Variants in EVA1A observed in about 807,000 individuals in gnomAD.
EVA1A encodes eva-1 homolog A, regulator of programmed cell death, also known as protein eva-1 homolog A.
Under a neutral mutation model 9.8 loss-of-function variants are expected in EVA1A, and 7 were observed. The observed-to-expected ratio is 0.71, with a 90% CI of 0.41 to 1.34. EVA1A has a LOEUF of 1.34. EVA1A is among the 40% of genes most tolerant of loss of function. EVA1A has a pLI of 0.01. For missense variants in EVA1A, 206 were observed against 205.9 expected (o/e 1.00, Z 0.00); for synonymous variants, 90 against 85.6 (o/e 1.05, Z -0.28).
intron 1 of EVA1A, among the ~76,000 whole-genome samples, chr2:75,551,507 C>T (rs954620706): frequency 2.0e-5 from 3 of 152,344 alleles, no homozygotes; most frequent in Admixed American, 2.0e-4. Context: ...CTGCACATCC[C>T]CTTCCCTGTT....
chr2:75,510,404 C>A (rs1222422126), intron 3 of EVA1A, among the ~76,000 whole-genome samples: 4 of 152,284 alleles, frequency 2.6e-5, no homozygotes, highest in African/African-American at 9.6e-5. Flanking sequence ...TTGGCCCTCA[C>A]AGGATTCACA....
chr2:75,551,148 A>T (rs1463128006), intron 1 of EVA1A, among the ~76,000 whole-genome samples: 1 of 152,042 alleles, frequency 6.6e-6, no homozygotes, highest in Non-Finnish European at 1.5e-5. Flanking sequence ...AAACAAAAAA[A>T]ACCAAAAAAA....
intron 1 of EVA1A, among the ~76,000 whole-genome samples, chr2:75,523,881 C>T (rs1675320451): frequency 6.6e-6 from 1 of 152,166 alleles, no homozygotes; most frequent in South Asian, 2.1e-4. Flanking sequence ...TGTGGTTTGG[C>T]TGTGTCCCCA....
At chr2:75,496,434 T>C (rs1674213970) in intron 3 of EVA1A, among the ~76,000 whole-genome samples, 1 of 152,096 alleles carries the variant, frequency 6.6e-6, no homozygotes, top group Admixed American at 6.6e-5. Context: ...CATTTACAAT[T>C]GCCACAAAAA....
intron 1 of EVA1A, chr2:75,558,839 T>A (rs1401379784): frequency 6.6e-6 from 1 of 152,230 alleles, no homozygotes; most frequent in Non-Finnish European, 1.5e-5. Flanking sequence ...ATTTTCAAAC[T>A]TTAACATGCA....
At chr2:75,535,361 C>A (rs1675843356) in intron 1 of EVA1A, among the ~76,000 whole-genome samples, 1 of 148,958 alleles carries the variant, frequency 6.7e-6, no homozygotes, top group South Asian at 2.1e-4. Flanking sequence ...TTAGAACAAC[C>A]TCTATGGAAA....
At chr2:75,501,156 G>A (rs1674404044) in intron 3 of EVA1A, among the ~76,000 whole-genome samples, 1 of 151,944 alleles carries the variant, frequency 6.6e-6, no homozygotes, top group Non-Finnish European at 1.5e-5. Flanking sequence ...GTCCACTCTT[G>A]ACCCACAAAC....
chr2:75,496,740 T>C (rs62150186), intron 3 of EVA1A, among the ~76,000 whole-genome samples: 26,644 of 151,830 alleles, frequency 0.18, 2,719 homozygotes, highest in East Asian at 0.28. Context: ...AATCCTAAGG[T>C]GGGAAGAAAA....
intron 2 of EVA1A, chr2:75,518,496 A>G: frequency 1.4e-6 from 1 of 713,924 alleles, no homozygotes. Context: ...GTGGGGCCAC[A>G]AAGATTTGGG....
At chr2:75,568,223 C>G (rs1200678885) in intron 1 of EVA1A, among the ~76,000 whole-genome samples, 2 of 151,896 alleles carry the variant, frequency 1.3e-5, no homozygotes, top group Non-Finnish European at 2.9e-5. Context: ...TGTCTCCTTC[C>G]TCTGCCTTGA....
upstream of EVA1A, among the ~76,000 whole-genome samples, chr2:75,561,685 C>A (rs535575702): frequency 6.6e-6 from 1 of 152,102 alleles, no homozygotes; most frequent in South Asian, 2.1e-4. Flanking sequence ...AGTGAAAGAG[C>A]CTTCTACAGA....
rs1676893564 is a variant in EVA1A at position 75,560,668 on chromosome 2, G to C, written c.-192+12C>G. 1 of 152,280 alleles carries C rather than the reference G, an allele frequency of 6.6e-6. No homozygotes were observed. Among genetic ancestry groups the C allele is most frequent in the Admixed American group, 6.5e-5 (1 of 15,282 alleles). 9.4% of individuals were successfully genotyped at this position (152,280 alleles called of 1,614,324 possible). A position where few individuals can be genotyped will look rare whatever the true frequency, so the allele number is the denominator to read the frequency against. On this transcript the variant is annotated intron_variant, in intron 1 of 3. Coordinates refer to ENST00000393913, the MANE Select transcript of EVA1A (RefSeq NM_001135032.2). ...CCCCAGAGTTCAGGGAGCGCTCTCG[G>C]GCACCTCTTACCTTTGCTGGGGCCC...
chr2:75,534,664 G>C (rs1490798211), intron 1 of EVA1A, among the ~76,000 whole-genome samples: 3 of 152,086 alleles, frequency 2.0e-5, no homozygotes, highest in Non-Finnish European at 4.4e-5. Flanking sequence ...ATGACCCTTT[G>C]TTGGATGCAT....
intron 3 of EVA1A, among the ~76,000 whole-genome samples, chr2:75,504,656 G>C (rs1470258469): frequency 6.6e-6 from 1 of 152,090 alleles, no homozygotes; most frequent in Non-Finnish European, 1.5e-5. Flanking sequence ...CCTTCGCAGG[G>C]ACATAGATGA....
chr2:75,545,002 A>G (rs938916512), intron 1 of EVA1A, among the ~76,000 whole-genome samples: 3 of 152,362 alleles, frequency 2.0e-5, no homozygotes, highest in Admixed American at 6.5e-5. Flanking sequence ...TCAAATTTTC[A>G]TAACATTCTC....
intron 1 of EVA1A, among the ~76,000 whole-genome samples, chr2:75,550,352 G>A (rs1328061691): frequency 6.6e-6 from 1 of 152,126 alleles, no homozygotes; most frequent in Non-Finnish European, 1.5e-5. Context: ...AGAGAAGCAG[G>A]TGTCTCTTCT....
rs376857258 is a variant in EVA1A at position 75,557,322 on chromosome 2, T to C, written c.-192+3358A>G. Reference sequence around the variant, plus strand: ...AGTTTAGTGATCAGTTGTAACCAAGTATCCAGTGTCAAACACAACTTACCC... The same window carrying C: ...AGTTTAGTGATCAGTTGTAACCAAGCATCCAGTGTCAAACACAACTTACCC... On this transcript the variant is annotated intron_variant, in intron 1 of 3. Coordinates refer to ENST00000393913, the MANE Select transcript of EVA1A (RefSeq NM_001135032.2). 4.8e-4 allele frequency among the ~76,000 whole-genome samples: 73 copies of C among 152,302 alleles called. 1 individual carries two copies. The highest frequency in any genetic ancestry group is 1.6e-3 in the African/African-American group (68 of 41,562).
intron 3 of EVA1A, among the ~76,000 whole-genome samples, chr2:75,498,700 T>C (rs955749194): frequency 6.6e-6 from 1 of 152,192 alleles, no homozygotes; most frequent in Non-Finnish European, 1.5e-5. Context: ...TGAGATGCTG[T>C]TCACTTTTAA....
intron 1 of EVA1A, among the ~76,000 whole-genome samples, chr2:75,556,033 T>G (rs1486189551): frequency 6.6e-6 from 1 of 152,216 alleles, no homozygotes; most frequent in Non-Finnish European, 1.5e-5. Context: ...TGATGATCTA[T>G]TCACACGTCC....
Sources: gnomAD v4.1 joint callset for allele counts (sites outside exome capture counted in the v4.1 genomes callset) on GRCh38, gnomAD v4.1.1 for gene constraint, MANE v1.5 for transcripts, NCBI Gene and HGNC (gene_info 2026-07-23, HGNC 2026-07-21) for gene names.